The following H6PD variants were observed in gnomAD, a reference collection of about 807,000 sequenced individuals.
The protein encoded by H6PD is GDH/6PGL endoplasmic bifunctional protein.
Under a neutral mutation model 61.2 loss-of-function variants are expected in H6PD, and 48 were observed. The ratio of observed to expected loss-of-function variants is 0.78; its 90% CI spans 0.62 to 1.00. The LOEUF (loss-of-function observed/expected upper bound fraction) is 1.00, where lower values mean the gene tolerates loss of function less well. Ranked by LOEUF, H6PD falls within the 50% of genes least tolerant of loss-of-function variation. The pLI, the probability that H6PD is intolerant of heterozygous loss-of-function variation, is 0.00. For synonymous variants in H6PD, 480 were observed against 457.9 expected, an observed-to-expected ratio of 1.05 and a Z score of -0.62; for missense variants, 1,093 against 1,065.0, an observed-to-expected ratio of 1.03 and a Z score of -0.37.
At chr1:9,262,451 G>A (rs1055917652) in intron 4 of H6PD, 123 bp downstream of exon 4, 21 of 935,562 alleles carry the variant, frequency 2.2e-5, no homozygotes, top group East Asian at 1.3e-4. Flanking sequence ...CAGGGTGCTC[G>A]GAGGCAAGGA....
At chr1:9,242,873 C>T in intron 1 of H6PD, 4 of 985,446 alleles carry the variant, frequency 4.1e-6, no homozygotes, top group Non-Finnish European at 4.8e-6. Context: ...GCTTCTCCTT[C>T]TCTCCAGACG....
chr1:9,264,985 C>T lies in H6PD; in HGVS notation c.*116C>T. ...CCCTGGCTCTCCAGAACCTTCTATCCCACAGTCAGGCCCCAGAGAGGGCAG... is the reference window on the plus strand; with the variant it reads ...CCCTGGCTCTCCAGAACCTTCTATCTCACAGTCAGGCCCCAGAGAGGGCAG... On this transcript the variant is annotated 3_prime_UTR_variant, in exon 5 of 5. Coordinates refer to ENST00000377403, the MANE Select transcript of H6PD (RefSeq NM_004285.4). The T allele has an allele frequency of 8.9e-7, 1 of 1,119,178 alleles. No individual in the cohort carries two copies. The highest frequency in any genetic ancestry group is 1.3e-6 in the Non-Finnish European group (1 of 762,060). The allele number at this position is 1,119,178 out of a possible 1,614,324, so 69.3% of individuals were successfully genotyped here.
At position 9,239,888 on chromosome 1, in the gene H6PD, T is replaced by C. The variant is rs2268176; in HGVS notation, c.-11+4822T>C. 3 of 673,380 alleles carry C rather than the reference T, an allele frequency of 4.5e-6. No individual in the cohort carries two copies. The African/African-American group carries it at 5.6e-5, about 13-fold the overall frequency. The allele number at this position is 673,380 out of a possible 1,614,324, so 41.7% of individuals were successfully genotyped here. A position where few individuals can be genotyped will look rare whatever the true frequency, so the allele number is the denominator to read the frequency against. ...CTAGAGCTTCAGCACAGGCTGGGTC[T>C]GCTGTGCCGGGTCTGTATGGGGACA... On this transcript the variant is annotated intron_variant, in intron 1 of 4. Transcript: ENST00000377403.
In H6PD at chr1:9,270,221, C is replaced by T. The variant is rs1345187176; in HGVS notation, c.*5352C>T. Reference sequence around the variant, plus strand: ...AAAACCCTCGCCTTGCTGACAGGTGCTTTAAAGGCAGTCTGCATCTTTTCT... The same window carrying T: ...AAAACCCTCGCCTTGCTGACAGGTGTTTTAAAGGCAGTCTGCATCTTTTCT... On this transcript the variant is annotated 3_prime_UTR_variant, in exon 5 of 5. Transcript: ENST00000377403. 1 of 152,652 alleles carries T rather than the reference C, an allele frequency of 6.6e-6. No homozygotes were observed. The highest frequency in any genetic ancestry group is 2.4e-5 in the African/African-American group (1 of 41,440). 9.5% of individuals were successfully genotyped at this position (152,652 alleles called of 1,614,324 possible).
chr1:9,256,775 A>T (rs1010658497), intron 3 of H6PD, among the ~76,000 whole-genome samples: 19 of 152,324 alleles, frequency 1.2e-4, no homozygotes, highest in Admixed American at 4.6e-4. Flanking sequence ...ACCCGTTTTT[A>T]AAAAAGAATT....
chr1:9,266,673 T>A lies in H6PD; in HGVS notation c.*1804T>A, dbSNP rs1365705150. On this transcript the variant is annotated 3_prime_UTR_variant, in exon 5 of 5. Coordinates refer to ENST00000377403, the MANE Select transcript of H6PD (RefSeq NM_004285.4). ...GGGTGAGGGAGCATGGCAAAGTCGG[T>A]TTCTCTCTGGACTGTTTACACTTCA... 3 of 152,278 alleles carry A rather than the reference T, an allele frequency of 2.0e-5. No individual in the cohort carries two copies. The highest frequency in any genetic ancestry group is 4.4e-5 in the Non-Finnish European group (3 of 68,092). 9.4% of individuals were successfully genotyped at this position (152,278 alleles called of 1,614,324 possible). A position where few individuals can be genotyped will look rare whatever the true frequency, so the allele number is the denominator to read the frequency against.
At chr1:9,259,517 G>A (rs1484161437) in intron 3 of H6PD, among the ~76,000 whole-genome samples, 1 of 152,126 alleles carries the variant, frequency 6.6e-6, no homozygotes, top group Non-Finnish European at 1.5e-5. Context: ...TTACGTTGCT[G>A]TTATGCTGGT....
intron 1 of H6PD, among the ~76,000 whole-genome samples, chr1:9,244,010 C>T (rs1373364492): frequency 6.6e-6 from 1 of 152,128 alleles, no homozygotes; most frequent in Non-Finnish European, 1.5e-5. Context: ...ACCCTGGGAC[C>T]TTCATTGACC....
Position 9,264,504 on chromosome 1 carries a change from C to T in H6PD, c.2011C>T (p.Gln671Ter). The change falls in exon 5 of 5, where the codon CAG becomes TAG. Residue 671 changes from glutamine to a stop codon, truncating the protein, a stop_gained. Coordinates refer to ENST00000377403, the MANE Select transcript of H6PD (RefSeq NM_004285.4). LOFTEE classifies it high-confidence loss of function. The part of the protein sequence containing the change: ...RLCAEEDQGA[Q>*]IYAREISALV... Reference sequence around the variant, plus strand: ...CTGCGCCGAGGAGGACCAGGGCGCCCAGATCTATGCCAGGGAGATCTCAGC... The same window carrying T: ...CTGCGCCGAGGAGGACCAGGGCGCCTAGATCTATGCCAGGGAGATCTCAGC... 1 of 1,613,026 alleles carries T rather than the reference C, an allele frequency of 6.2e-7. No homozygotes were observed.
chr1:9,258,877 T>TA (rs761417698), intron 3 of H6PD, among the ~76,000 whole-genome samples: 15 of 152,212 alleles, frequency 9.9e-5, no homozygotes, highest in Non-Finnish European at 1.9e-4. Flanking sequence ...ATGTTGTTGT[T>TA]ACGCTGGTGT....
rs1167277617 is a variant in H6PD at position 9,263,883 on chromosome 1, C to G, written c.1390C>G (p.His464Asp). 1.2e-6 allele frequency: 2 copies of G among 1,614,174 alleles called. No homozygotes were observed. The highest frequency in any genetic ancestry group is 2.2e-5 in the East Asian group (1 of 44,884). ...GGACGCCCACTCCGTCCTCTTATCC[C>G]ATATCTTCCATGGCCGGAAGAATTT... The part of the protein sequence containing the change: ...ERDAHSVLLS[H>D]IFHGRKNFFI... Residue 464 changes from histidine (H) to aspartate (D), a missense_variant, in exon 5 of 5, where the codon CAT becomes GAT. Physicochemically the swap from His to Asp is moderately conservative, Grantham distance 81. Coordinates refer to ENST00000377403, the MANE Select transcript of H6PD (RefSeq NM_004285.4).
chr1:9,259,919 G>A (rs1005238847), intron 3 of H6PD, among the ~76,000 whole-genome samples: 2 of 152,140 alleles, frequency 1.3e-5, no homozygotes, highest in African/African-American at 4.8e-5. Flanking sequence ...TTACGCCAGT[G>A]TTGTTACGTT....
rs375476128 is a variant in H6PD at position 9,263,999 on chromosome 1, T to C, written c.1506T>C (p.Pro502=). ...SLAHKAPRLY[P]GGAENGRLLD... is the part of the protein sequence containing the mutation. ...CCCATAAGGCCCCACGCCTCTACCC[T>C]GGAGGAGCTGAGAATGGCCGTCTGT... Residue 502 remains proline (P), a synonymous_variant, in exon 5 of 5, where the codon CCT becomes CCC. Transcript: ENST00000377403. 1.1e-5 allele frequency: 18 copies of C among 1,614,088 alleles called. No homozygotes were observed. The highest frequency in any genetic ancestry group is 1.4e-5 in the Non-Finnish European group (16 of 1,180,038).
Position 9,237,530 on chromosome 1 carries a change from G to A in H6PD, c.-11+2464G>A, listed in dbSNP as rs114216013. Among the ~76,000 whole-genome samples the A allele has an allele frequency of 1.8e-3, 271 of 152,212 alleles. 2 individuals are homozygous for A. Among genetic ancestry groups the A allele is most frequent in the African/African-American group, 6.1e-3 (254 of 41,532 alleles). On this transcript the variant is annotated intron_variant, in intron 1 of 4. Transcript: ENST00000377403. ...TTATAGGCGTAAGCCACTGCGCCTG[G>A]CCATGTTATTTGACTTCTCTTTGCC... is the stretch of plus-strand genomic sequence containing the variant.
chr1:9,244,940 G>A lies in H6PD; in HGVS notation c.6G>A (p.Trp2Ter), dbSNP rs1307163367. Residue 2 changes from tryptophan (W) to a stop codon, truncating the protein, a stop_gained, in exon 2 of 5, where the codon TGG becomes TGA. Coordinates refer to ENST00000377403, the MANE Select transcript of H6PD (RefSeq NM_004285.4). LOFTEE classifies it high-confidence loss of function. The stretch of plus-strand genomic sequence containing the variant: ...TGCACCCCAGGCACCCAGGCATGTG[G>A]AATATGCTCATAGTGGCGATGTGCT... M[W>*]NMLIVAMCLA... The A allele has an allele frequency of 6.2e-7, 1 of 1,614,008 alleles. No homozygotes were observed. The highest frequency in any genetic ancestry group is 1.7e-5 in the Admixed American group (1 of 60,010).
Position 9,249,036 on chromosome 1 carries a change from C to T in H6PD, c.745+1953C>T, listed in dbSNP as rs75640477. ...AGCAGAATTGGAGGGGGTCCTGCCC[C>T]TGCTGAAGCCAGCGGGCCGGCGCTT... is the stretch of plus-strand genomic sequence containing the variant. On this transcript the variant is annotated intron_variant, in intron 3 of 4. Coordinates refer to ENST00000377403, the MANE Select transcript of H6PD (RefSeq NM_004285.4). 2.7e-3 allele frequency among the ~76,000 whole-genome samples: 412 copies of T among 152,358 alleles called. 2 individuals are homozygous for T. Among genetic ancestry groups the T allele is most frequent in the African/African-American group, 9.5e-3 (397 of 41,584 alleles).
intron 1 of H6PD, among the ~76,000 whole-genome samples, chr1:9,238,624 A>C (rs1348977175): frequency 2.0e-5 from 3 of 152,206 alleles, no homozygotes; most frequent in Non-Finnish European, 4.4e-5. Flanking sequence ...ATTTACTGAT[A>C]ATGGGGAAAG....
At position 9,263,732 on chromosome 1, in the gene H6PD, G is replaced by A; in HGVS notation, c.1239G>A (p.Leu413=). 6.2e-7 allele frequency: 1 copy of A among 1,613,996 alleles called. No individual in the cohort carries two copies. Among genetic ancestry groups the A allele is most frequent in the Non-Finnish European group, 8.5e-7 (1 of 1,179,986 alleles). Reference sequence around the variant, plus strand: ...GCGACCTGGGCAGCCCTGCCGTGCTGGTCAGCAGGAACCTGTTCAGGCCCT... The same window carrying A: ...GCGACCTGGGCAGCCCTGCCGTGCTAGTCAGCAGGAACCTGTTCAGGCCCT... The part of the protein sequence containing the change: ...GHGDLGSPAV[L]VSRNLFRPSL... Residue 413 remains leucine (L), a synonymous_variant, in exon 5 of 5, where the codon CTG becomes CTA. Coordinates refer to ENST00000377403, the MANE Select transcript of H6PD (RefSeq NM_004285.4).
intron 1 of H6PD, among the ~76,000 whole-genome samples, chr1:9,237,870 C>T (rs867579104): frequency 3.3e-5 from 5 of 152,240 alleles, no homozygotes; most frequent in South Asian, 4.1e-4. Flanking sequence ...ATTTATAGAG[C>T]GCCTTCTGTA....
Sources: allele counts gnomAD v4.1 joint callset (sites outside exome capture counted in the v4.1 genomes callset), GRCh38; gene constraint gnomAD v4.1.1; transcripts MANE v1.5; gene names NCBI Gene and HGNC (gene_info 2026-07-23, HGNC 2026-07-21).